The following MTR variants were observed in gnomAD, a reference collection of about 807,000 sequenced individuals.
MTR encodes the protein 5-methyltetrahydrofolate-homocysteine methyltransferase, also known as methionine synthase.
A neutral mutation model predicts 154.8 loss-of-function variants in MTR; 84 were observed. The observed-to-expected ratio is 0.54, with a 90% CI of 0.45 to 0.65. MTR has a LOEUF of 0.65. Ranked by LOEUF, MTR falls within the 30% of genes least tolerant of loss-of-function variation. The probability of loss-of-function intolerance (pLI) is 0.00; values close to 1 mark genes in which losing one functional copy is unlikely to be tolerated. For missense variants in MTR, 1,275 were observed against 1,570.2 expected (o/e 0.81, Z 3.18); for synonymous variants, 554 against 553.9 (o/e 1.00, Z 0.00).
In MTR at chr1:236,838,539, C is replaced by CA; in HGVS notation, c.1456dup (p.Arg486LysfsTer4). On this transcript the variant is annotated frameshift_variant, in exon 15 of 33. Transcript: ENST00000366577. LOFTEE classifies it high-confidence loss of function. Reference sequence around the variant, plus strand: ...GAGAGGACGACTTCTTGGAGAAGGCCAGGAAGATTAAAAAGTATGGAGCTG... The same window carrying CA: ...GAGAGGACGACTTCTTGGAGAAGGCCAAGGAAGATTAAAAAGTATGGAGCTG... 1 of 1,613,952 alleles carries CA rather than the reference C, an allele frequency of 6.2e-7. No homozygotes were observed. Among genetic ancestry groups the CA allele is most frequent in the African/African-American group, 1.3e-5 (1 of 74,976 alleles).
At chr1:236,877,570 G>T (rs1239488466) in intron 24 of MTR, among the ~76,000 whole-genome samples, 1 of 151,940 alleles carries the variant, frequency 6.6e-6, no homozygotes, top group Admixed American at 6.6e-5. Context: ...TAGTTGTTTG[G>T]TTTTTTGTTG....
intron 1 of MTR, among the ~76,000 whole-genome samples, chr1:236,797,537 T>C (rs1660462658): frequency 6.6e-6 from 1 of 152,126 alleles, no homozygotes; most frequent in Admixed American, 6.5e-5. Flanking sequence ...TTGGTATCAA[T>C]TGATGAGTGA....
At chr1:236,799,080 C>T (rs1194009197) in intron 1 of MTR, among the ~76,000 whole-genome samples, 1 of 151,858 alleles carries the variant, frequency 6.6e-6, no homozygotes, top group Non-Finnish European at 1.5e-5. Flanking sequence ...TTACATTATC[C>T]TCTAAAGGAA....
intron 1 of MTR, chr1:236,800,297 A>G: frequency 1.0e-6 from 1 of 985,382 alleles, no homozygotes; most frequent in Non-Finnish European, 1.2e-6. Flanking sequence ...TTTTCTCCCT[A>G]GGAAGTTTGA....
intron 29 of MTR, among the ~76,000 whole-genome samples, chr1:236,892,438 T>C (rs1666381421): frequency 6.6e-6 from 1 of 152,166 alleles, no homozygotes; most frequent in African/African-American, 2.4e-5. Flanking sequence ...GCCATGATCA[T>C]GCCACTGTAT....
At chr1:236,859,718 G>T in intron 18 of MTR, 115 bp from the exon 19 acceptor site, 1 of 810,808 alleles carries the variant, frequency 1.2e-6, no homozygotes, top group Non-Finnish European at 2.1e-6. Context: ...ACTAGGGGCT[G>T]GAAAAGTAAA....
intron 27 of MTR, among the ~76,000 whole-genome samples, chr1:236,888,237 C>T (rs191875323): frequency 3.3e-5 from 5 of 152,276 alleles, no homozygotes; most frequent in Admixed American, 6.5e-5. Flanking sequence ...CAGGAAGGCT[C>T]GGATACGGCA....
intron 28 of MTR, 71 bp downstream of exon 28, chr1:236,889,407 A>C: frequency 6.3e-7 from 1 of 1,591,798 alleles, no homozygotes; most frequent in South Asian, 1.1e-5. Context: ...GAAGACCGGA[A>C]TCGGTGAGGA....
rs756375617 is a variant in MTR, at chr1:236,835,685, AAGGTTATACAAAGTTTATGTTTATC to A, written c.1329+2_1329+26del. 1 of 1,612,932 alleles carries A rather than the reference AAGGTTATACAAAGTTTATGTTTATC, an allele frequency of 6.2e-7. No homozygotes were observed. Among genetic ancestry groups the A allele is most frequent in the Admixed American group, 1.7e-5 (1 of 59,806 alleles). On this transcript the variant is annotated splice_donor_variant and splice_donor_5th_base_variant and coding_sequence_variant and intron_variant, in exon 14 of 33. Transcript: ENST00000366577. LOFTEE classifies it high-confidence loss of function. ...AATTGCTTCCGAGCCAGACATCGCA[AAGGTTATACAAAGTTTATGTTTATC>A]AGGGGGATTTACTTGTCTCACTTTG...
intron 24 of MTR, among the ~76,000 whole-genome samples, chr1:236,880,527 G>A (rs1665672981): frequency 1.3e-5 from 2 of 152,206 alleles, no homozygotes; most frequent in African/African-American, 4.8e-5. Flanking sequence ...TGAGGACAAG[G>A]TCTTTCTCTT....
chr1:236,894,839 T>C (rs1014487297), intron 30 of MTR: 2 of 475,550 alleles, frequency 4.2e-6, no homozygotes, highest in Non-Finnish European at 3.8e-6. Context: ...TTGTCTCTCT[T>C]TGCTTGTTGT....
intron 19 of MTR, 96 bp downstream of exon 19, chr1:236,860,018 C>T: frequency 5.1e-6 from 5 of 983,984 alleles, no homozygotes; most frequent in African/African-American, 1.7e-5. Context: ...AAGGAGATGC[C>T]TAGACCACTG....
intron 19 of MTR, 146 bp downstream of exon 19, chr1:236,860,068 TGCCC>T (rs1558317036): frequency 8.7e-5 from 23 of 264,334 alleles, no homozygotes; most frequent in Non-Finnish European, 1.2e-4. Context: ...GTCCCCCAGC[TGCCC>T]CCCCCCCCCC....
chr1:236,799,183 G>A (rs1240607779), intron 1 of MTR, among the ~76,000 whole-genome samples: 1 of 151,864 alleles, frequency 6.6e-6, no homozygotes, highest in African/African-American at 2.4e-5. Flanking sequence ...GGGCAGTGGC[G>A]TGATCACGGT....
At chr1:236,878,545 G>A (rs779395736) in intron 24 of MTR, among the ~76,000 whole-genome samples, 2 of 151,862 alleles carry the variant, frequency 1.3e-5, no homozygotes, top group Non-Finnish European at 2.9e-5. Flanking sequence ...TGGTTTCCCC[G>A]GGCCACATTG....
chr1:236,873,388 T>G (rs992274738), intron 22 of MTR, among the ~76,000 whole-genome samples: 1 of 152,174 alleles, frequency 6.6e-6, no homozygotes, highest in African/African-American at 2.4e-5. Flanking sequence ...TTGCTCAACA[T>G]TGTAACTGAA....
At chr1:236,893,410 A>G (rs72762130) in intron 29 of MTR, among the ~76,000 whole-genome samples, 20,880 of 152,124 alleles carry the variant, frequency 0.14, 1,619 homozygotes, top group South Asian at 0.18. Flanking sequence ...CCATATATGT[A>G]GACGCATGGG....
chr1:236,861,112 T>TTTTCTTTTTTTGGG lies in MTR; in HGVS notation c.2044-12_2044-11insTTCTTTTTTTGGGT. ...CTTTCTTTTTCTTTTTTTTTTTTTTTTGTCTTTTTTAGGGCATTGAAAAAC... is the reference window on the plus strand; with the variant it reads ...CTTTCTTTTTCTTTTTTTTTTTTTTTTTTCTTTTTTTGGGTGTCTTTTTTAGGGCATTGAAAAAC... On this transcript the variant is annotated splice_polypyrimidine_tract_variant and intron_variant, in intron 19 of 32. Coordinates refer to ENST00000366577, the MANE Select transcript of MTR (RefSeq NM_000254.3). The TTTTCTTTTTTTGGG allele has an allele frequency of 6.5e-7, 1 of 1,532,968 alleles. No individual in the cohort carries two copies. Among genetic ancestry groups the TTTTCTTTTTTTGGG allele is most frequent in the Non-Finnish European group, 8.7e-7 (1 of 1,144,948 alleles). 95.0% of individuals were successfully genotyped at this position (1,532,968 alleles called of 1,614,324 possible).
intron 14 of MTR, 62 bp downstream of exon 14, chr1:236,835,749 C>T (rs1202265279): frequency 2.2e-5 from 35 of 1,600,614 alleles, no homozygotes; most frequent in South Asian, 5.5e-5. Flanking sequence ...CTCATTTAAC[C>T]GTGCCAGTTG....
Sources: gnomAD v4.1 joint callset for allele counts (sites outside exome capture counted in the v4.1 genomes callset) on GRCh38, gnomAD v4.1.1 for gene constraint, MANE v1.5 for transcripts, NCBI Gene and HGNC (gene_info 2026-07-23, HGNC 2026-07-21) for gene names.